TNIK: variants seen among roughly 807,000 people sequenced by gnomAD.
The protein encoded by TNIK is TRAF2 and NCK interacting kinase.
In TNIK, 49 loss-of-function variants were observed where a neutral mutation model predicts 191.3. That is an observed-to-expected ratio of 0.26 (90% CI 0.20 to 0.32). The LOEUF (loss-of-function observed/expected upper bound fraction) is 0.32, where lower values mean the gene tolerates loss of function less well. Among genes scored for constraint, TNIK ranks in the 10% least tolerant of loss-of-function variants. The pLI, the probability that TNIK is intolerant of heterozygous loss-of-function variation, is 1.00. For synonymous variants in TNIK, 594 were observed against 600.9 expected, an observed-to-expected ratio of 0.99 and a Z score of 0.17; for missense variants, 1,155 against 1,702.3, an observed-to-expected ratio of 0.68 and a Z score of 5.66.
chr3:171,423,525 G>A (rs1239942594), intron 1 of TNIK, among the ~76,000 whole-genome samples: 4 of 152,076 alleles, frequency 2.6e-5, no homozygotes, highest in Non-Finnish European at 4.4e-5. Flanking sequence ...GCATTGCCAA[G>A]TCAACCCTAA....
chr3:171,291,129 T>C (rs1279198875), intron 2 of TNIK, among the ~76,000 whole-genome samples: 1 of 152,166 alleles, frequency 6.6e-6, no homozygotes, highest in African/African-American at 2.4e-5. Context: ...GTGCAAACCT[T>C]AACCATATAT....
chr3:171,098,173 A>T (rs6785494), intron 22 of TNIK, among the ~76,000 whole-genome samples: 75,837 of 151,990 alleles, frequency 0.5, 20,051 homozygotes, highest in East Asian at 0.69. Flanking sequence ...AATCTTCCCT[A>T]CTGGAGCATT....
chr3:171,378,732 A>G (rs114239438), intron 1 of TNIK, among the ~76,000 whole-genome samples: 248 of 152,304 alleles, frequency 1.6e-3, no homozygotes, highest in African/African-American at 5.7e-3. Context: ...CTGAGATCAT[A>G]TCAATAAAAT....
chr3:171,325,897 T>G (rs993983365), intron 2 of TNIK, among the ~76,000 whole-genome samples: 1 of 152,200 alleles, frequency 6.6e-6, no homozygotes, highest in Non-Finnish European at 1.5e-5. Context: ...CATCAGGGAC[T>G]TTTGTCAGAA....
intron 1 of TNIK, among the ~76,000 whole-genome samples, chr3:171,455,500 C>T (rs969904576): frequency 4.0e-5 from 6 of 151,560 alleles, no homozygotes; most frequent in Non-Finnish European, 7.4e-5. Flanking sequence ...TTCGGCCTCC[C>T]GAAGTGCTGG....
chr3:171,413,541 G>T (rs1722666108), intron 1 of TNIK, among the ~76,000 whole-genome samples: 1 of 152,110 alleles, frequency 6.6e-6, no homozygotes, highest in Non-Finnish European at 1.5e-5. Context: ...TCCAGTTCAA[G>T]TCCTACCAGT....
At chr3:171,342,075 A>G (rs186916640) in intron 2 of TNIK, among the ~76,000 whole-genome samples, 1 of 152,220 alleles carries the variant, frequency 6.6e-6, no homozygotes, top group South Asian at 2.1e-4. Flanking sequence ...TAACCAAAAG[A>G]TCCATTGAGT....
At chr3:171,138,157 G>A in intron 15 of TNIK, 34 bp downstream of exon 15, 2 of 1,519,874 alleles carry the variant, frequency 1.3e-6, no homozygotes, top group Non-Finnish European at 1.8e-6. Context: ...TCAAAAGCCT[G>A]GCCAACAGGG....
intron 4 of TNIK, among the ~76,000 whole-genome samples, chr3:171,210,765 C>T (rs978154203): frequency 2.8e-5 from 4 of 145,054 alleles, no homozygotes; most frequent in African/African-American, 1.0e-4. Flanking sequence ...ATACCTAACT[C>T]AAAGAAGCAA....
intron 2 of TNIK, among the ~76,000 whole-genome samples, chr3:171,274,414 C>A (rs1749473493): frequency 6.6e-6 from 1 of 152,302 alleles, no homozygotes; most frequent in East Asian, 1.9e-4. Flanking sequence ...ACTTCAGAAG[C>A]AACTCATAGC....
At chr3:171,302,993 AT>A (rs1753045869) in intron 2 of TNIK, among the ~76,000 whole-genome samples, 1 of 152,090 alleles carries the variant, frequency 6.6e-6, no homozygotes, top group African/African-American at 2.4e-5. Context: ...TAATGTGCTT[AT>A]TTTTTCTTTA....
intron 2 of TNIK, among the ~76,000 whole-genome samples, chr3:171,286,197 T>C (rs1044153660): frequency 1.3e-5 from 2 of 152,214 alleles, no homozygotes; most frequent in African/African-American, 2.4e-5. Flanking sequence ...TATTATACTT[T>C]AAAAACTTCT....
At chr3:171,189,421 A>G (rs1737756229) in intron 6 of TNIK, among the ~76,000 whole-genome samples, 1 of 152,232 alleles carries the variant, frequency 6.6e-6, no homozygotes, top group Non-Finnish European at 1.5e-5. Context: ...AGGAAGGCAC[A>G]AAGAATTACA....
intron 18 of TNIK, among the ~76,000 whole-genome samples, chr3:171,118,712 G>A (rs1560139702): frequency 6.6e-6 from 1 of 152,154 alleles, no homozygotes; most frequent in Non-Finnish European, 1.5e-5. Flanking sequence ...TTAATAAATG[G>A]TGCTGGGAAA....
intron 2 of TNIK, among the ~76,000 whole-genome samples, chr3:171,324,608 A>G (rs1225219394): frequency 6.6e-6 from 1 of 152,108 alleles, no homozygotes; most frequent in Non-Finnish European, 1.5e-5. Flanking sequence ...ACCTACACAA[A>G]GAACTCTGAG....
At chr3:171,313,268 CT>C (rs35028773) in intron 2 of TNIK, among the ~76,000 whole-genome samples, 2 of 118,358 alleles carry the variant, frequency 1.7e-5, no homozygotes, top group East Asian at 2.1e-4. Context: ...TTCTTTCTTT[CT>C]TTTTTTTTAA....
chr3:171,208,340 A>G (rs1486585119), intron 4 of TNIK, among the ~76,000 whole-genome samples: 3 of 152,076 alleles, frequency 2.0e-5, no homozygotes, highest in East Asian at 3.9e-4. Flanking sequence ...TGTACTGAAG[A>G]GAAAGATTAG....
At chr3:171,067,890 CAT>C (rs1718672166) in intron 30 of TNIK, among the ~76,000 whole-genome samples, 2 of 152,112 alleles carry the variant, frequency 1.3e-5, no homozygotes, top group African/African-American at 4.8e-5. Context: ...CCCACATCCA[CAT>C]GAGTTAAAAG....
At chr3:171,327,599 T>TG (rs1336581194) in intron 2 of TNIK, among the ~76,000 whole-genome samples, 5 of 152,054 alleles carry the variant, frequency 3.3e-5, no homozygotes, top group Non-Finnish European at 7.4e-5. Flanking sequence ...CCCGTGGCAT[T>TG]GCCTGGAGGA....
Sources: gnomAD v4.1 joint callset for allele counts (sites outside exome capture counted in the v4.1 genomes callset) on GRCh38, gnomAD v4.1.1 for gene constraint, MANE v1.5 for transcripts, NCBI Gene and HGNC (gene_info 2026-07-23, HGNC 2026-07-21) for gene names.